Variants in KAZN observed in about 807,000 individuals in gnomAD.
The protein encoded by KAZN is kazrin, periplakin interacting protein, also known as kazrin.
KAZN carries 40 observed loss-of-function variants against 87.4 expected under a neutral mutation model. The observed-to-expected ratio is 0.46, with a 90% CI of 0.36 to 0.60. KAZN has a LOEUF of 0.60. Ranked by LOEUF, KAZN falls within the 20% of genes least tolerant of loss-of-function variation. The pLI is 0.00. For synonymous variants in KAZN, 466 were observed against 458.3 expected (o/e 1.02, Z -0.22); for missense variants, 898 against 1,073.9 (o/e 0.84, Z 2.29).
At chr1:14,877,512 G>T (rs1351082492) in intron 1 of KAZN, among the ~76,000 whole-genome samples, 1 of 152,144 alleles carries the variant, frequency 6.6e-6, no homozygotes, top group Non-Finnish European at 1.5e-5. Flanking sequence ...GGAAGGGGAG[G>T]TTCTCCAAAG....
chr1:14,328,742 C>T (rs1656624425), intron 2 of KAZN, among the ~76,000 whole-genome samples: 1 of 130,222 alleles, frequency 7.7e-6, no homozygotes. Context: ...GAAGACATCC[C>T]TAACTGAAAA....
intron 1 of KAZN, among the ~76,000 whole-genome samples, chr1:14,045,069 G>T (rs923411159): frequency 2.0e-5 from 3 of 152,160 alleles, no homozygotes; most frequent in Non-Finnish European, 2.9e-5. Context: ...GCCCCAAGGG[G>T]CCAGTTACAC....
intron 2 of KAZN, among the ~76,000 whole-genome samples, chr1:14,424,815 G>C (rs995353523): frequency 6.6e-6 from 1 of 152,164 alleles, no homozygotes; most frequent in Non-Finnish European, 1.5e-5. Flanking sequence ...TGTAATTCCA[G>C]AGAAAAGAAG....
chr1:15,047,220 G>A (rs1365064067), intron 4 of KAZN, among the ~76,000 whole-genome samples: 1 of 152,190 alleles, frequency 6.6e-6, no homozygotes, highest in Admixed American at 6.5e-5. Context: ...CAGTCTTGTT[G>A]GGGTGTCCAC....
At chr1:14,323,840 C>T (rs1656217203) in intron 2 of KAZN, among the ~76,000 whole-genome samples, 1 of 152,114 alleles carries the variant, frequency 6.6e-6, no homozygotes. Flanking sequence ...TTGACCCTTG[C>T]CCCAGATTGA....
intron 2 of KAZN, among the ~76,000 whole-genome samples, chr1:14,442,963 C>A (rs983586075): frequency 3.9e-5 from 6 of 152,146 alleles, no homozygotes; most frequent in Non-Finnish European, 8.8e-5. Flanking sequence ...TTTCACCAGT[C>A]TTTCTTTTGG....
chr1:14,362,256 T>C (rs1246099860), intron 2 of KAZN, among the ~76,000 whole-genome samples: 1 of 152,188 alleles, frequency 6.6e-6, no homozygotes, highest in Admixed American at 6.5e-5. Context: ...GTTAGCAGCA[T>C]TCAGTTTCTT....
chr1:13,912,063 A>G (rs902518518), intron 1 of KAZN, among the ~76,000 whole-genome samples: 4 of 152,176 alleles, frequency 2.6e-5, no homozygotes, highest in Admixed American at 2.6e-4. Context: ...AGGCACTATG[A>G]AGGTTATATT....
intron 2 of KAZN, among the ~76,000 whole-genome samples, chr1:14,374,946 G>C (rs1461272914): frequency 1.3e-5 from 2 of 152,160 alleles, no homozygotes; most frequent in Admixed American, 6.5e-5. Context: ...CATTTTCAAA[G>C]AATTAAAGTC....
intron 1 of KAZN, among the ~76,000 whole-genome samples, chr1:13,966,291 C>T (rs1257870824): frequency 6.6e-6 from 1 of 152,256 alleles, no homozygotes. Context: ...TAGGAGGCAA[C>T]GAAGACCACC....
rs1379867663 is a variant in KAZN, at chr1:13,934,216, G to A, written c.91+40460G>A. On this transcript the variant is annotated intron_variant, in intron 1 of 16. Transcript: ENST00000636203. ...TGCCTCTCTCTGCCAGATAAGTTGCGACAAAGGGTAAAGTGAGGTTGAGTT... is the reference window on the plus strand; with the variant it reads ...TGCCTCTCTCTGCCAGATAAGTTGCAACAAAGGGTAAAGTGAGGTTGAGTT... Among the ~76,000 whole-genome samples the A allele has an allele frequency of 5.3e-5, 8 of 152,290 alleles. No homozygotes were observed. In the East Asian group the frequency reaches 1.2e-3, roughly 22 times the overall value.
chr1:14,155,237 G>T (rs535463884), intron 1 of KAZN, among the ~76,000 whole-genome samples: 1 of 152,074 alleles, frequency 6.6e-6, no homozygotes, highest in Non-Finnish European at 1.5e-5. Context: ...TCAGGTTTTG[G>T]GTTTCATCAT....
chr1:14,552,961 G>A (rs900516147), intron 2 of KAZN, among the ~76,000 whole-genome samples: 3 of 152,122 alleles, frequency 2.0e-5, no homozygotes, highest in Non-Finnish European at 2.9e-5. Context: ...GGCAACTGCA[G>A]CCCATCAAAC....
chr1:13,962,484 C>G (rs1379319899), intron 1 of KAZN, among the ~76,000 whole-genome samples: 1 of 152,146 alleles, frequency 6.6e-6, no homozygotes, highest in East Asian at 1.9e-4. Flanking sequence ...GGCCAGGCAT[C>G]CTCAGAGGCT....
intron 2 of KAZN, among the ~76,000 whole-genome samples, chr1:14,242,843 G>T (rs565617030): frequency 2.0e-5 from 3 of 152,274 alleles, no homozygotes; most frequent in South Asian, 4.1e-4. Context: ...GCTGCCCAGT[G>T]TAGAATCCCG....
chr1:14,292,096 G>C (rs566239275), intron 2 of KAZN, among the ~76,000 whole-genome samples: 2 of 152,274 alleles, frequency 1.3e-5, no homozygotes, highest in African/African-American at 4.8e-5. Context: ...CGAGAACCTA[G>C]GGGCAACATT....
chr1:14,027,485 G>C (rs1570561852), intron 1 of KAZN, among the ~76,000 whole-genome samples: 1 of 151,858 alleles, frequency 6.6e-6, no homozygotes, highest in Non-Finnish European at 1.5e-5. Context: ...GCCGGCTTCT[G>C]CCCCCCCGCC....
At chr1:14,715,687 GTC>G (rs1473592506) in intron 1 of KAZN, among the ~76,000 whole-genome samples, 1 of 152,212 alleles carries the variant, frequency 6.6e-6, no homozygotes, top group African/African-American at 2.4e-5. Flanking sequence ...TACCCTGAAA[GTC>G]TCTGCAGCAA....
intron 1 of KAZN, among the ~76,000 whole-genome samples, chr1:14,628,182 G>C (rs1679288500): frequency 6.6e-6 from 1 of 152,202 alleles, no homozygotes; most frequent in Non-Finnish European, 1.5e-5. Context: ...GTGGATCCGG[G>C]TGCAGTTCTG....
Sources: allele counts gnomAD v4.1 joint callset (sites outside exome capture counted in the v4.1 genomes callset), GRCh38; gene constraint gnomAD v4.1.1; transcripts MANE v1.5; gene names NCBI Gene and HGNC (gene_info 2026-07-23, HGNC 2026-07-21).